The following MGAM variants were observed in gnomAD, a reference collection of about 807,000 sequenced individuals.
MGAM encodes alpha-1,4-glucosidase.
A neutral mutation model predicts 358.8 loss-of-function variants in MGAM; 253 were observed. The ratio of observed to expected loss-of-function variants is 0.71; its 90% confidence interval spans 0.64 to 0.78. The LOEUF (loss-of-function observed/expected upper bound fraction) is 0.78. Among genes scored for constraint, MGAM ranks in the 30% least tolerant of loss-of-function variants. MGAM has a pLI of 0.00. For synonymous variants in MGAM, 1,105 were observed against 1,227.1 expected, an observed-to-expected ratio of 0.90 and a Z score of 2.08; for missense variants, 3,080 against 3,432.6, an observed-to-expected ratio of 0.90 and a Z score of 2.57.
At chr7:141,993,876 G>C (rs546116443), upstream of MGAM, among the ~76,000 whole-genome samples, 1 of 152,248 alleles carries the variant, frequency 6.6e-6, no homozygotes, top group Non-Finnish European at 1.5e-5. Flanking sequence ...TCATTAAAGA[G>C]GCACAAACTA....
rs1443109247 is a variant in MGAM, at chr7:142,031,745, G to A, written c.1536G>A (p.Lys512=). 4.3e-6 allele frequency: 7 copies of A among 1,613,438 alleles called. No homozygotes were observed. The highest frequency in any genetic ancestry group is 4.2e-6 in the Non-Finnish European group (5 of 1,179,502). Residue 512 remains lysine, a synonymous_variant, in exon 13 of 71, where the codon AAG becomes AAA. Transcript: ENST00000475668. The part of the protein sequence containing the change: ...TNPNCAVWWT[K]EFELFHNQVE... Reference sequence around the variant, plus strand: ...CCAACTGTGCTGTTTGGTGGACAAAGGAATTTGAGCTTTTTCACAATCAAG... The same window carrying A: ...CCAACTGTGCTGTTTGGTGGACAAAAGAATTTGAGCTTTTTCACAATCAAG...
chr7:142,064,958 C>T (rs1407912068), intron 37 of MGAM, among the ~76,000 whole-genome samples: 1 of 152,190 alleles, frequency 6.6e-6, no homozygotes, highest in Non-Finnish European at 1.5e-5. Context: ...ACTGAATTAG[C>T]ACAGTCCTGC....
At chr7:142,001,134 T>C (rs1804699501) in intron 1 of MGAM, among the ~76,000 whole-genome samples, 1 of 152,202 alleles carries the variant, frequency 6.6e-6, no homozygotes, top group Admixed American at 6.5e-5. Context: ...TTATAGGATT[T>C]CTTATGAAGC....
At chr7:142,105,085 T>A (rs574894147) in intron 70 of MGAM, among the ~76,000 whole-genome samples, 1 of 152,022 alleles carries the variant, frequency 6.6e-6, no homozygotes, top group African/African-American at 2.4e-5. Context: ...TGAGGGCACA[T>A]GCAGTGAAAG....
At position 142,040,843 on chromosome 7, in the gene MGAM, C is replaced by A. The variant is rs768055689; in HGVS notation, c.2495C>A (p.Ala832Asp). Residue 832 changes from alanine (A) to aspartate (D), a missense_variant, in exon 21 of 71, where the codon GCC (alanine) becomes GAC (aspartate). Physicochemically the swap from Ala to Asp is moderately radical, Grantham distance 126 (BLOSUM62 -2). Around this residue, in one of 5 missense-constraint regions of MGAM, gnomAD observed 1,816 missense variants for 1,840.5 expected, o/e 0.99. Transcript: ENST00000475668. ...PTQQPNTTTL[A>D]SRKNPLGLII... Reference sequence around the variant, plus strand: ...CAGCAGCCAAATACAACCACTCTGGCCAGGTATAGCATGGCTGGAGTGTCC... The same window carrying A: ...CAGCAGCCAAATACAACCACTCTGGACAGGTATAGCATGGCTGGAGTGTCC... 1.9e-6 allele frequency: 3 copies of A among 1,609,870 alleles called. No homozygotes were observed. The South Asian group carries it at 3.3e-5, about 18-fold the overall frequency.
At chr7:142,031,074 G>A (rs1486966607) in intron 12 of MGAM, among the ~76,000 whole-genome samples, 8 of 151,848 alleles carry the variant, frequency 5.3e-5, no homozygotes, top group Non-Finnish European at 1.0e-4. Context: ...CCCTGATACC[G>A]CTCTGGCAAA....
chr7:142,044,532 GATATATGATATATAATGTA>G (rs1809740290), intron 21 of MGAM, among the ~76,000 whole-genome samples: 1 of 127,912 alleles, frequency 7.8e-6, no homozygotes, highest in Non-Finnish European at 1.6e-5. Flanking sequence ...ATACACTTAC[GATATATGATATATAATGTA>G]TATTATATAC....
chr7:142,022,160 T>C (rs1806523114), intron 6 of MGAM, 108 bp from the exon 7 acceptor site: 1 of 1,045,196 alleles, frequency 9.6e-7, no homozygotes, highest in Non-Finnish European at 1.4e-6. Flanking sequence ...TGGGACTGAA[T>C]GAATGGGGGC....
chr7:142,086,775 C>A, intron 57 of MGAM, 58 bp downstream of exon 57: 2 of 864,678 alleles, frequency 2.3e-6, no homozygotes, highest in Non-Finnish European at 3.3e-6. Flanking sequence ...GGCAGCCGTT[C>A]CTGGGAATGT....
At chr7:141,989,599 A>G (rs1803857040) in intron 2 of MGAM, among the ~76,000 whole-genome samples, 1 of 150,122 alleles carries the variant, frequency 6.7e-6, no homozygotes, top group Non-Finnish European at 1.5e-5. Context: ...TGTGTTGCCC[A>G]GGATGGAGTG....
chr7:142,091,878 G>C (rs1207689629), intron 57 of MGAM, 35 bp from the exon 58 acceptor site: 1 of 1,395,948 alleles, frequency 7.2e-7, no homozygotes, highest in East Asian at 2.4e-5. Context: ...TTCTATATTT[G>C]TGTGGGACAA....
chr7:142,101,648 G>A (rs555952251), intron 68 of MGAM, among the ~76,000 whole-genome samples: 2 of 151,838 alleles, frequency 1.3e-5, no homozygotes, highest in South Asian at 4.2e-4. Flanking sequence ...CCTCACGCCT[G>A]TAATCCCAGC....
At chr7:142,087,693 C>T (rs933296928) in intron 57 of MGAM, among the ~76,000 whole-genome samples, 1 of 146,352 alleles carries the variant, frequency 6.8e-6, no homozygotes, top group African/African-American at 2.4e-5. Context: ...GAACATCTGC[C>T]AGGAATTGAA....
At chr7:142,009,805 A>G (rs1305883039) in intron 3 of MGAM, among the ~76,000 whole-genome samples, 1 of 151,916 alleles carries the variant, frequency 6.6e-6, no homozygotes, top group Non-Finnish European at 1.5e-5. Context: ...CTTTTGTTGT[A>G]TGTTTTCTGA....
intron 35 of MGAM, 39 bp from the exon 36 acceptor site, chr7:142,063,460 T>C: frequency 6.3e-7 from 1 of 1,599,114 alleles, no homozygotes. Flanking sequence ...GACGTAATTA[T>C]CTTAAAAAGT....
chr7:142,027,104 A>C lies in MGAM; in HGVS notation c.983-11A>C. The C allele has an allele frequency of 6.3e-7, 1 of 1,592,692 alleles. No individual in the cohort carries two copies. Among genetic ancestry groups the C allele is most frequent in the Non-Finnish European group, 8.6e-7 (1 of 1,161,814 alleles). ...TCTGATTTTTATTTTCTTCATTTTT[A>C]ACCTTTCAAGAGGTTGTCCTTCAGC... On this transcript the variant is annotated splice_polypyrimidine_tract_variant and intron_variant, in intron 8 of 70. Coordinates refer to ENST00000475668, the MANE Select transcript of MGAM (RefSeq NM_001365693.1).
intron 8 of MGAM, among the ~76,000 whole-genome samples, chr7:142,025,944 T>G (rs1228430397): frequency 1.1e-4 from 17 of 152,084 alleles, no homozygotes; most frequent in African/African-American, 4.1e-4. Flanking sequence ...AACCTAAGAA[T>G]AGACTGAGAT....
intron 41 of MGAM, among the ~76,000 whole-genome samples, chr7:142,067,019 C>T (rs1812829489): frequency 6.8e-6 from 1 of 146,074 alleles, no homozygotes; most frequent in South Asian, 2.2e-4. Context: ...GTTATATGGA[C>T]CCAGGTCACA....
Position 142,043,752 on chromosome 7 carries a change from TACGA to T in MGAM, c.2498+2907_2498+2910del, listed in dbSNP as rs1297713768. ...ATATAATATATACATTATATACACA[TACGA>T]CATATAATATATACATTATATACAC... On this transcript the variant is annotated intron_variant, in intron 21 of 70. Transcript: ENST00000475668. 1.6e-4 allele frequency among the ~76,000 whole-genome samples: 13 copies of T among 79,738 alleles called. 1 individual carries two copies. The East Asian group carries it at 3.4e-3, about 21-fold the overall frequency. The allele number at this position is 79,738 out of a possible 152,430, so 52.3% of individuals were successfully genotyped here. A position where few individuals can be genotyped will look rare whatever the true frequency, so the allele number is the denominator to read the frequency against.
Sources: allele counts gnomAD v4.1 joint callset (sites outside exome capture counted in the v4.1 genomes callset), GRCh38; gene constraint gnomAD v4.1.1; regional missense constraint gnomAD v4.1.1; transcripts MANE v1.5; gene names NCBI Gene and HGNC (gene_info 2026-07-23, HGNC 2026-07-21).